PPP2R2B: variants seen among roughly 807,000 people sequenced by gnomAD.
PPP2R2B encodes serine/threonine-protein phosphatase 2A 55 kDa regulatory subunit B beta isoform.
Under a neutral mutation model 46.0 loss-of-function variants are expected in PPP2R2B, and 5 were observed. The observed-to-expected ratio is 0.11, with a 90% CI of 0.06 to 0.23. The LOEUF (loss-of-function observed/expected upper bound fraction) is 0.23, where lower values mean the gene tolerates loss of function less well. PPP2R2B is among the 10% of genes least tolerant of loss of function. PPP2R2B has a pLI of 1.00. For missense variants in PPP2R2B, 367 were observed against 575.0 expected (o/e 0.64, Z 3.70); for synonymous variants, 215 against 206.7 (o/e 1.04, Z -0.34).
chr5:146,582,150 G>C lies in PPP2R2B; in HGVS notation c.*7797C>G, dbSNP rs1377732225. On this transcript the variant is annotated 3_prime_UTR_variant, in exon 10 of 10. Coordinates refer to ENST00000394411, the MANE Select transcript of PPP2R2B (RefSeq NM_181675.4). ...CTGTATTAGGCATGTGCTCAGCTCT[G>C]AAAGATTTCTTTGGGGGTCTTGCCT... is the stretch of plus-strand genomic sequence containing the variant. The C allele has an allele frequency of 6.6e-6, 1 of 152,198 alleles. No individual in the cohort carries two copies. Among genetic ancestry groups the C allele is most frequent in the Non-Finnish European group, 1.5e-5 (1 of 68,044 alleles). The allele number at this position is 152,198 out of a possible 1,614,324, so 9.4% of individuals were successfully genotyped here.
intron 6 of PPP2R2B, among the ~76,000 whole-genome samples, chr5:146,647,890 G>A (rs1055185894): frequency 5.9e-5 from 9 of 152,208 alleles, no homozygotes; most frequent in African/African-American, 1.9e-4. Context: ...GACAGCATGT[G>A]GAGTCTGTTC....
At chr5:146,929,566 A>G (rs1032905266) in intron 1 of PPP2R2B, among the ~76,000 whole-genome samples, 1 of 152,176 alleles carries the variant, frequency 6.6e-6, no homozygotes, top group African/African-American at 2.4e-5. Flanking sequence ...TGATGGATAT[A>G]ATATACTTAT....
At chr5:147,068,363 G>A (rs1757474075) in intron 2 of PPP2R2B, among the ~76,000 whole-genome samples, 1 of 152,058 alleles carries the variant, frequency 6.6e-6, no homozygotes, top group Non-Finnish European at 1.5e-5. Flanking sequence ...GTTTCATTGG[G>A]ATTCAAACCC....
chr5:147,025,077 A>G (rs1755464351), intron 1 of PPP2R2B, among the ~76,000 whole-genome samples: 2 of 152,228 alleles, frequency 1.3e-5, no homozygotes, highest in South Asian at 4.1e-4. Context: ...AAAATTGACG[A>G]TATCAGAAAT....
At chr5:146,650,787 A>T in intron 5 of PPP2R2B, 63 bp from the exon 6 acceptor site, 1 of 1,448,484 alleles carries the variant, frequency 6.9e-7, no homozygotes, top group Non-Finnish European at 9.4e-7. Flanking sequence ...AAGAGTGTGC[A>T]TGCTAATATC....
chr5:146,728,215 T>TA, intron 2 of PPP2R2B, among the ~76,000 whole-genome samples: 1 of 143,086 alleles, frequency 7.0e-6, no homozygotes, highest in South Asian at 2.2e-4. Context: ...AATGGAGAGA[T>TA]ACCAATGTAG....
rs566762596 is a variant in PPP2R2B, at chr5:146,681,725, T to C, written c.447+9403A>G. ...AGGTTTGGAATGGTGACAAGATCCT[T>C]ACTTGCAAAGCCCTAAAAAGGCCAG... On this transcript the variant is annotated intron_variant, in intron 5 of 9. Coordinates refer to ENST00000394411, the MANE Select transcript of PPP2R2B (RefSeq NM_181675.4). 2.0e-5 allele frequency among the ~76,000 whole-genome samples: 3 copies of C among 152,294 alleles called. No individual in the cohort carries two copies. The East Asian group carries it at 5.8e-4, about 29-fold the overall frequency.
intron 1 of PPP2R2B, among the ~76,000 whole-genome samples, chr5:147,001,408 A>G (rs2151869291): frequency 6.6e-6 from 1 of 152,098 alleles, no homozygotes; most frequent in East Asian, 1.9e-4. Context: ...CAGACACGCC[A>G]TCTTTAAGAG....
At chr5:147,018,039 GCGCGCACACA>G (rs1462202466) in intron 1 of PPP2R2B, among the ~76,000 whole-genome samples, 233 of 64,938 alleles carry the variant, frequency 3.6e-3, no homozygotes, top group African/African-American at 5.6e-3. Flanking sequence ...ACATGCATGC[GCGCGCACACA>G]CACACACACA....
intron 2 of PPP2R2B, among the ~76,000 whole-genome samples, chr5:146,750,406 G>A (rs577669145): frequency 1.3e-5 from 2 of 152,250 alleles, no homozygotes; most frequent in Admixed American, 6.5e-5. Context: ...TCTTTGCCTC[G>A]TTGGGTAGAC....
chr5:147,005,254 A>T (rs1425603596), intron 1 of PPP2R2B, among the ~76,000 whole-genome samples: 2 of 152,150 alleles, frequency 1.3e-5, no homozygotes, highest in African/African-American at 2.4e-5. Context: ...GTGGAAGTTC[A>T]TTTGTGGAGA....
intron 2 of PPP2R2B, among the ~76,000 whole-genome samples, chr5:146,712,621 G>A (rs1780275024): frequency 6.6e-6 from 1 of 152,066 alleles, no homozygotes; most frequent in Admixed American, 6.6e-5. Context: ...AGGACATAAG[G>A]GTGATCTGGT....
intron 1 of PPP2R2B, among the ~76,000 whole-genome samples, chr5:147,038,656 C>T (rs144008050): frequency 6.6e-6 from 1 of 152,186 alleles, no homozygotes; most frequent in Non-Finnish European, 1.5e-5. Context: ...TTTCCCTATG[C>T]TGGTCAAAAC....
chr5:146,677,100 T>C (rs1292656574), intron 5 of PPP2R2B, among the ~76,000 whole-genome samples: 1 of 152,228 alleles, frequency 6.6e-6, no homozygotes, highest in Non-Finnish European at 1.5e-5. Flanking sequence ...CATAGGATGC[T>C]TTTCTTAGAT....
intron 2 of PPP2R2B, among the ~76,000 whole-genome samples, chr5:146,731,349 C>A (rs1752217810): frequency 1.3e-5 from 2 of 152,138 alleles, no homozygotes; most frequent in South Asian, 2.1e-4. Context: ...GATGCCTGGA[C>A]TTTTTCAGGG....
chr5:147,079,877 T>C (rs1162247349), intron 2 of PPP2R2B, among the ~76,000 whole-genome samples: 1 of 152,166 alleles, frequency 6.6e-6, no homozygotes, highest in East Asian at 1.9e-4. Context: ...TATGAGGTAA[T>C]GGATATGCTA....
At chr5:146,783,740 A>T (rs766544806) in intron 2 of PPP2R2B, among the ~76,000 whole-genome samples, 5 of 152,214 alleles carry the variant, frequency 3.3e-5, no homozygotes, top group Admixed American at 1.3e-4. Context: ...ATGTTATGAG[A>T]ATTTCCCATG....
intron 2 of PPP2R2B, among the ~76,000 whole-genome samples, chr5:146,767,781 C>T (rs73322121): frequency 0.017 from 2,527 of 152,214 alleles, 59 homozygotes; most frequent in African/African-American, 0.058. Flanking sequence ...GTTCACTCTT[C>T]GCATTGCACA....
intron 6 of PPP2R2B, 109 bp from the exon 7 acceptor site, chr5:146,638,524 CT>C: frequency 1.9e-6 from 2 of 1,057,644 alleles, no homozygotes; most frequent in Non-Finnish European, 1.3e-6. Flanking sequence ...TCAACATTTG[CT>C]ATGCACATGG....
Sources: gnomAD v4.1 joint callset for allele counts (sites outside exome capture counted in the v4.1 genomes callset) on GRCh38, gnomAD v4.1.1 for gene constraint, MANE v1.5 for transcripts, NCBI Gene and HGNC (gene_info 2026-07-23, HGNC 2026-07-21) for gene names.